Variants in CCDC85A observed in about 807,000 individuals in gnomAD.
CCDC85A encodes coiled-coil domain-containing protein 85A.
A neutral mutation model predicts 50.2 loss-of-function variants in CCDC85A; 38 were observed. The observed-to-expected ratio is 0.76, with a 90% confidence interval of 0.58 to 0.99. CCDC85A has a LOEUF of 0.99. Ranked by LOEUF, CCDC85A falls within the 50% of genes least tolerant of loss-of-function variation. The probability of loss-of-function intolerance (pLI) is 0.00; values close to 1 mark genes in which losing one functional copy is unlikely to be tolerated. For missense variants in CCDC85A, 820 were observed against 742.0 expected (o/e 1.11, Z -1.22); for synonymous variants, 366 against 301.4 (o/e 1.21, Z -2.22).
At chr2:56,258,410 G>A (rs1405889230) in intron 2 of CCDC85A, among the ~76,000 whole-genome samples, 1 of 152,178 alleles carries the variant, frequency 6.6e-6, no homozygotes, top group Non-Finnish European at 1.5e-5. Context: ...TTCCATGTCA[G>A]CAGATAGGCC....
At chr2:56,368,560 T>C (rs1675919024) in intron 3 of CCDC85A, among the ~76,000 whole-genome samples, 1 of 152,118 alleles carries the variant, frequency 6.6e-6, no homozygotes, top group Non-Finnish European at 1.5e-5. Context: ...TATTATATGA[T>C]AGTTTAACCA....
chr2:56,299,230 A>G (rs1004422394), intron 2 of CCDC85A, among the ~76,000 whole-genome samples: 2 of 152,300 alleles, frequency 1.3e-5, no homozygotes, highest in Admixed American at 6.5e-5. Flanking sequence ...CAATTTGGTA[A>G]CTACGATAAC....
chr2:56,264,831 A>G (rs565053437), intron 2 of CCDC85A, among the ~76,000 whole-genome samples: 1 of 152,118 alleles, frequency 6.6e-6, no homozygotes, highest in Non-Finnish European at 1.5e-5. Context: ...TCTCCAGGCC[A>G]TCTTTGCATT....
chr2:56,243,316 A>C (rs1221273387), intron 2 of CCDC85A, among the ~76,000 whole-genome samples: 1 of 151,342 alleles, frequency 6.6e-6, no homozygotes, highest in East Asian at 1.9e-4. Context: ...GGAGTGCTTC[A>C]TTTTTTTTCT....
intron 2 of CCDC85A, among the ~76,000 whole-genome samples, chr2:56,230,189 G>T (rs1314758490): frequency 6.6e-6 from 1 of 152,114 alleles, no homozygotes; most frequent in Non-Finnish European, 1.5e-5. Flanking sequence ...TTTTCTTGAG[G>T]CTGGATGAAA....
intron 2 of CCDC85A, among the ~76,000 whole-genome samples, chr2:56,319,316 G>A (rs1163244619): frequency 6.6e-6 from 1 of 152,020 alleles, no homozygotes; most frequent in Non-Finnish European, 1.5e-5. Context: ...CTGGAGCCAG[G>A]ATTCAAACCC....
intron 2 of CCDC85A, among the ~76,000 whole-genome samples, chr2:56,329,945 GTTTTTTTTTTTT>G (rs535050957): frequency 0.11 from 4,714 of 44,160 alleles, 275 homozygotes; most frequent in Admixed American, 0.17. Flanking sequence ...CAGATTTCCT[GTTTTTTTTTTTT>G]TTTTTTTTTT....
intron 2 of CCDC85A, among the ~76,000 whole-genome samples, chr2:56,330,780 T>C (rs979080853): frequency 6.6e-6 from 1 of 152,200 alleles, no homozygotes; most frequent in Non-Finnish European, 1.5e-5. Context: ...CGTGGGAATG[T>C]AAATAAGTAC....
At chr2:56,260,490 T>C (rs987286528) in intron 2 of CCDC85A, among the ~76,000 whole-genome samples, 1 of 152,238 alleles carries the variant, frequency 6.6e-6, no homozygotes, top group African/African-American at 2.4e-5. Flanking sequence ...ACAAACATGA[T>C]AAATTTGTCC....
chr2:56,277,636 A>G (rs758727876), intron 2 of CCDC85A, among the ~76,000 whole-genome samples: 2 of 152,216 alleles, frequency 1.3e-5, no homozygotes, highest in African/African-American at 4.8e-5. Context: ...TCATATCTTC[A>G]TTGGTAAATT....
chr2:56,268,460 T>C (rs1400534744), intron 2 of CCDC85A, among the ~76,000 whole-genome samples: 3 of 151,868 alleles, frequency 2.0e-5, no homozygotes, highest in African/African-American at 7.3e-5. Flanking sequence ...CCAAGAGTGG[T>C]GGCGGACGCC....
chr2:56,253,019 AAAAT>A lies in CCDC85A; in HGVS notation c.1240+59602_1240+59605del, dbSNP rs3032186. Among the ~76,000 whole-genome samples, 219 of 150,356 alleles carry A rather than the reference AAAAT, an allele frequency of 1.5e-3. 1 individual carries two copies. Among genetic ancestry groups the A allele is most frequent in the Non-Finnish European group, 2.6e-3 (175 of 67,640 alleles). On this transcript the variant is annotated intron_variant, in intron 2 of 5. Coordinates refer to ENST00000407595, the MANE Select transcript of CCDC85A (RefSeq NM_001080433.2). Reference sequence around the variant, plus strand: ...GGGTGACAAAGCAAGACTCCATCTCAAAATAAATAAATAAATAAATAAATAACAA... The same window carrying A: ...GGGTGACAAAGCAAGACTCCATCTCAAAATAAATAAATAAATAAATAACAA...
intron 2 of CCDC85A, among the ~76,000 whole-genome samples, chr2:56,271,839 G>A (rs1012897820): frequency 5.3e-5 from 8 of 152,128 alleles, no homozygotes; most frequent in South Asian, 2.1e-4. Context: ...TTGGCTAGTC[G>A]TATCAGTAGC....
intron 2 of CCDC85A, among the ~76,000 whole-genome samples, chr2:56,323,641 A>G (rs189570945): frequency 4.0e-4 from 61 of 152,208 alleles, no homozygotes; most frequent in African/African-American, 1.5e-3. Flanking sequence ...TCAAATACAC[A>G]ATCATGTTGG....
At position 56,321,346 on chromosome 2, in the gene CCDC85A, A is replaced by T. The variant is rs150448525; in HGVS notation, c.1241-21533A>T. On this transcript the variant is annotated intron_variant, in intron 2 of 5. Transcript: ENST00000407595. Reference sequence around the variant, plus strand: ...TATTCAGTTAGGAAAAGAGAAAGTCAAATTGTCCCTGTTTGCAGATGACGT... The same window carrying T: ...TATTCAGTTAGGAAAAGAGAAAGTCTAATTGTCCCTGTTTGCAGATGACGT... Among the ~76,000 whole-genome samples the T allele has an allele frequency of 4.4e-3, 663 of 152,316 alleles. 4 individuals are homozygous for T. Among genetic ancestry groups the T allele is most frequent in the African/African-American group, 0.015 (631 of 41,562 alleles).
chr2:56,254,577 C>A (rs1379371706), intron 2 of CCDC85A, among the ~76,000 whole-genome samples: 1 of 152,152 alleles, frequency 6.6e-6, no homozygotes, highest in Non-Finnish European at 1.5e-5. Flanking sequence ...TTCCGCTGTT[C>A]TAGACTGGGT....
At chr2:56,262,270 G>A (rs1670250573) in intron 2 of CCDC85A, among the ~76,000 whole-genome samples, 2 of 151,858 alleles carry the variant, frequency 1.3e-5, no homozygotes, top group Admixed American at 1.3e-4. Context: ...TTTATTATTG[G>A]TTTCAAATTT....
rs566132864 is a variant in CCDC85A, at chr2:56,290,952, A to C, written c.1241-51927A>C. Among the ~76,000 whole-genome samples, 5 of 152,340 alleles carry C rather than the reference A, an allele frequency of 3.3e-5. No homozygotes were observed. The South Asian group carries it at 6.2e-4, about 19-fold the overall frequency. On this transcript the variant is annotated intron_variant, in intron 2 of 5. Coordinates refer to ENST00000407595, the MANE Select transcript of CCDC85A (RefSeq NM_001080433.2). ...ATGCTAAAACACACTGTGGGTTTCC[A>C]AGCCAAAACCAGAAAAAGAAAAAAA...
intron 2 of CCDC85A, among the ~76,000 whole-genome samples, chr2:56,330,733 G>A (rs755880026): frequency 1.7e-4 from 26 of 152,072 alleles, no homozygotes; most frequent in Non-Finnish European, 3.5e-4. Flanking sequence ...TCCCCCATTT[G>A]AAAAACTCTT....
Sources: gnomAD v4.1 joint callset for allele counts (sites outside exome capture counted in the v4.1 genomes callset) on GRCh38, gnomAD v4.1.1 for gene constraint, MANE v1.5 for transcripts, NCBI Gene and HGNC (gene_info 2026-07-23, HGNC 2026-07-21) for gene names.